MTMR3: variants seen among roughly 807,000 people sequenced by gnomAD.
The protein encoded by MTMR3 is phosphatidylinositol-3,5-bisphosphate 3-phosphatase MTMR3.
Under a neutral mutation model 132.4 loss-of-function variants are expected in MTMR3, and 32 were observed. The observed-to-expected ratio is 0.24, with a 90% confidence interval of 0.18 to 0.32. MTMR3 has a LOEUF of 0.32. Ranked by LOEUF, MTMR3 falls within the 10% of genes least tolerant of loss-of-function variation. MTMR3 has a pLI of 1.00. For missense variants in MTMR3, 1,216 were observed against 1,489.6 expected, an observed-to-expected ratio of 0.82 and a Z score of 3.02; for synonymous variants, 556 against 550.3, an observed-to-expected ratio of 1.01 and a Z score of -0.14.
chr22:29,977,646 AATGAACTCTCACCCAGTTTC>A (rs1314835285), intron 3 of MTMR3, among the ~76,000 whole-genome samples: 3 of 152,214 alleles, frequency 2.0e-5, no homozygotes, highest in Non-Finnish European at 1.5e-5. Flanking sequence ...TGGTAGAGAT[AATGAACTCTCACCCAGTTTC>A]ATGAATTACT....
At chr22:29,938,374 C>G (rs566325529) in intron 1 of MTMR3, among the ~76,000 whole-genome samples, 7 of 152,352 alleles carry the variant, frequency 4.6e-5, no homozygotes, top group Non-Finnish European at 1.0e-4. Context: ...TCCGTACTTT[C>G]ACTGTTTCTG....
At chr22:29,922,473 T>C (rs1036938095) in intron 1 of MTMR3, among the ~76,000 whole-genome samples, 5 of 152,270 alleles carry the variant, frequency 3.3e-5, no homozygotes, top group African/African-American at 1.2e-4. Context: ...AATATCTGTT[T>C]AAGTACCTGC....
At chr22:29,884,365 A>G (rs1364251497) in intron 1 of MTMR3, among the ~76,000 whole-genome samples, 1 of 152,158 alleles carries the variant, frequency 6.6e-6, no homozygotes, top group East Asian at 1.9e-4. Flanking sequence ...GGGTTGAATT[A>G]CAGGAGATTA....
chr22:29,977,859 G>T (rs1602610168), intron 3 of MTMR3, among the ~76,000 whole-genome samples: 1 of 152,266 alleles, frequency 6.6e-6, no homozygotes, highest in African/African-American at 2.4e-5. Flanking sequence ...CTTAAAAGTA[G>T]TGTGGGGCTG....
intron 5 of MTMR3, chr22:29,982,045 C>G (rs2066756696): frequency 6.6e-6 from 1 of 150,588 alleles, no homozygotes; most frequent in South Asian, 2.1e-4. Context: ...CCGTCTCTAC[C>G]AAAAATACAA....
chr22:29,993,544 A>G (rs1205648166), intron 7 of MTMR3: 2 of 152,224 alleles, frequency 1.3e-5, no homozygotes, highest in Non-Finnish European at 2.9e-5. Flanking sequence ...CCTGACTCCA[A>G]GAGGTATTCC....
Position 29,988,461 on chromosome 22 carries a change from C to G in MTMR3, c.211-19C>G, listed in dbSNP as rs373846670. 8.3e-5 allele frequency: 133 copies of G among 1,594,794 alleles called. No individual in the cohort carries two copies. The highest frequency in any genetic ancestry group is 1.1e-4 in the Non-Finnish European group (129 of 1,165,290). Reference sequence around the variant, plus strand: ...AATGCCTTTTTGACTAAGAGGACTTCATTTTTTTAAAATTGCAGGTTCCAT... The same window carrying G: ...AATGCCTTTTTGACTAAGAGGACTTGATTTTTTTAAAATTGCAGGTTCCAT... On this transcript the variant is annotated intron_variant, in intron 5 of 19. Coordinates refer to ENST00000401950, the MANE Select transcript of MTMR3 (RefSeq NM_021090.4).
chr22:29,916,384 A>G (rs1004321519), intron 1 of MTMR3, among the ~76,000 whole-genome samples: 14 of 152,192 alleles, frequency 9.2e-5, no homozygotes, highest in African/African-American at 3.4e-4. Flanking sequence ...GTAGTGCCTC[A>G]CAAATTACAG....
At chr22:29,981,159 A>AG (rs1227993060) in intron 5 of MTMR3, 1 of 152,220 alleles carries the variant, frequency 6.6e-6, no homozygotes, top group Non-Finnish European at 1.5e-5. Context: ...TTTACCAAAT[A>AG]GGTTGTAATT....
At chr22:29,950,038 A>ATG (rs2066043726) in intron 1 of MTMR3, among the ~76,000 whole-genome samples, 1 of 152,204 alleles carries the variant, frequency 6.6e-6, no homozygotes, top group Admixed American at 6.5e-5. Flanking sequence ...CAGGACATGA[A>ATG]TGAGTGTGCA....
intron 11 of MTMR3, 52 bp from the exon 12 acceptor site, chr22:30,008,966 G>A (rs1569047477): frequency 1.5e-6 from 2 of 1,311,744 alleles, no homozygotes; most frequent in East Asian, 2.3e-5. Context: ...ATTTGGCCAT[G>A]TGGGCTTTAA....
intron 19 of MTMR3, chr22:30,023,691 C>A: frequency 1.7e-6 from 1 of 598,148 alleles, no homozygotes. Flanking sequence ...TGCTCCCCTC[C>A]TGATCACAGA....
intron 5 of MTMR3, chr22:29,984,814 G>C (rs767055465): frequency 6.6e-6 from 1 of 152,204 alleles, no homozygotes; most frequent in Non-Finnish European, 1.5e-5. Flanking sequence ...CCCTGGTGGA[G>C]AAGCTACTTA....
chr22:30,025,394 CAGT>C (rs1253972709), intron 19 of MTMR3: 6 of 560,776 alleles, frequency 1.1e-5, no homozygotes, highest in Non-Finnish European at 1.9e-5. Flanking sequence ...TCTTTTGAGT[CAGT>C]GGTGAGGCAG....
intron 5 of MTMR3, 127 bp from the exon 6 acceptor site, chr22:29,988,352 TA>T: frequency 1.9e-6 from 1 of 535,034 alleles, no homozygotes. Flanking sequence ...TTGATCCAGA[TA>T]AGTTTGCAGT....
chr22:29,937,515 T>TAAGTG (rs1169603597), intron 1 of MTMR3, among the ~76,000 whole-genome samples: 1 of 152,058 alleles, frequency 6.6e-6, no homozygotes, highest in African/African-American at 2.4e-5. Context: ...CTCCTGGGGT[T>TAAGTG]AAGTGATCCT....
intron 2 of MTMR3, among the ~76,000 whole-genome samples, chr22:29,966,726 CGTGTGTGTGTGTGTGTGTGT>C (rs55960706): frequency 3.2e-4 from 46 of 142,972 alleles, no homozygotes; most frequent in East Asian, 2.8e-3. Flanking sequence ...TAGGGGTGTG[CGTGTGTGTGTGTGTGTGTGT>C]GTGTGTGTGT....
chr22:30,017,918 C>T lies in MTMR3; in HGVS notation c.1675-9C>T. ...GCATATTTAAACCTGTGTCCTCCCC[C>T]CTCCTCAGGTGCTGTACCCTGTGTG... is the stretch of plus-strand genomic sequence containing the variant. On this transcript the variant is annotated splice_polypyrimidine_tract_variant and intron_variant, in intron 15 of 19. Transcript: ENST00000401950. 1.2e-6 allele frequency: 2 copies of T among 1,612,598 alleles called. No individual in the cohort carries two copies. The highest frequency in any genetic ancestry group is 1.1e-5 in the South Asian group (1 of 90,798).
At chr22:29,939,964 T>C (rs567511517) in intron 1 of MTMR3, among the ~76,000 whole-genome samples, 96 of 152,296 alleles carry the variant, frequency 6.3e-4, no homozygotes, top group African/African-American at 2.2e-3. Flanking sequence ...CTTGCGATCA[T>C]GTACTTTGTG....
Sources: gnomAD v4.1 joint callset for allele counts (sites outside exome capture counted in the v4.1 genomes callset) on GRCh38, gnomAD v4.1.1 for gene constraint, MANE v1.5 for transcripts, NCBI Gene and HGNC (gene_info 2026-07-23, HGNC 2026-07-21) for gene names.